Variants in KAT2A observed in about 807,000 individuals in gnomAD.
The protein encoded by KAT2A is lysine acetyltransferase 2A, also known as histone acetyltransferase KAT2A.
A neutral mutation model predicts 95.2 loss-of-function variants in KAT2A; 42 were observed. The observed-to-expected ratio is 0.44, with a 90% CI of 0.34 to 0.57. The LOEUF (loss-of-function observed/expected upper bound fraction) is 0.57. Ranked by LOEUF, KAT2A falls within the 20% of genes least tolerant of loss-of-function variation. The pLI is 0.01. For synonymous variants in KAT2A, 449 were observed against 448.2 expected (o/e 1.00, Z -0.02); for missense variants, 784 against 1,126.3 (o/e 0.70, Z 4.35).
Position 42,119,731 on chromosome 17 carries a change from G to A in KAT2A, c.700-13C>T, listed in dbSNP as rs782020081. On this transcript the variant is annotated splice_polypyrimidine_tract_variant and intron_variant, in intron 4 of 17. Transcript: ENST00000225916. The surrounding 1 kb of genome is among the most constrained non-coding windows in gnomAD (Gnocchi z 5.3). ...AGTTCAGCACACCCTGAGAAGGGGT[G>A]GGTGGGGGATAAAACCAGGAATGAG... The A allele has an allele frequency of 1.9e-6, 3 of 1,587,716 alleles. No individual in the cohort carries two copies. The highest frequency in any genetic ancestry group is 2.3e-5 in the South Asian group (2 of 87,268).
Position 42,121,124 on chromosome 17 carries a change from C to A in KAT2A, c.181G>T (p.Gly61Trp), listed in dbSNP as rs782129192. 6.6e-7 allele frequency: 1 copy of A among 1,512,196 alleles called. No individual in the cohort carries two copies. The highest frequency in any genetic ancestry group is 2.5e-5 in the East Asian group (1 of 40,788). 93.7% of individuals were successfully genotyped at this position (1,512,196 alleles called of 1,614,324 possible). ...CCCCCACTTCCTACCCCGGGCCCCC[C>A]AGTCCCTGTGCTGCCGGCTGGGGCT... ...AAAPAGSTGTGGPGVGSGGAG... is the reference protein window; with the variant it reads ...AAAPAGSTGTWGPGVGSGGAG... The change falls in exon 1 of 18, where the codon GGG (glycine) becomes TGG (tryptophan). Residue 61 changes from glycine (G) to tryptophan (W), a missense_variant. Around this residue, in one of 6 missense-constraint regions of KAT2A, gnomAD observed 142 missense variants for 123.2 expected, o/e 1.15. Transcript: ENST00000225916.
chr17:42,120,731 C>T lies in KAT2A; in HGVS notation c.438G>A (p.Leu146=). 6.2e-7 allele frequency: 1 copy of T among 1,614,154 alleles called. No homozygotes were observed. The change falls in exon 2 of 18, where the codon CTG becomes CTA. Residue 146 remains leucine, a synonymous_variant. Transcript: ENST00000225916. ...CCAAGGGGTGCTCACAACTGCGGCA[C>T]AGCTCACTCAGGTTGGCAGCTGGCT... ...LQQPAANLSE[L]CRSCEHPLAD...
In KAT2A at chr17:42,117,221, T is replaced by A; in HGVS notation, c.1638-60A>T. ...TGTCCCCTTCAGGTCCCCAGAGCCC[T>A]GGAAGTCTGAGCTGTAGTCAGGGTT... On this transcript the variant is annotated intron_variant, in intron 10 of 17. Coordinates refer to ENST00000225916, the MANE Select transcript of KAT2A (RefSeq NM_021078.3). This position sits in a 1 kb window ranked among gnomAD's most constrained non-coding sequence, Gnocchi z 8.9. 6.2e-7 allele frequency: 1 copy of A among 1,603,958 alleles called. No individual in the cohort carries two copies. The highest frequency in any genetic ancestry group is 1.1e-5 in the South Asian group (1 of 90,570).
rs782564898 is a variant in KAT2A at position 42,120,819 on chromosome 17, G to A, written c.350C>T (p.Thr117Ile). 2 of 1,611,530 alleles carry A rather than the reference G, an allele frequency of 1.2e-6. No homozygotes were observed. The highest frequency in any genetic ancestry group is 1.7e-6 in the Non-Finnish European group (2 of 1,178,608). The change falls in exon 2 of 18, where the codon ACC (threonine) becomes ATC (isoleucine). Residue 117 changes from threonine (T) to isoleucine (I), a missense_variant. Transcript: ENST00000225916. ...GTTTTTCCAGCCATTACACTTACAGGTTTCATTGGCCTGGAGGTGGAAGGA... is the reference window on the plus strand; with the variant it reads ...GTTTTTCCAGCCATTACACTTACAGATTTCATTGGCCTGGAGGTGGAAGGA... ...GVFSACKANE[T>I]CKCNGWKNPK...
At position 42,114,614 on chromosome 17, in the gene KAT2A, G is replaced by A. The variant is rs2054227295; in HGVS notation, c.2020-10C>T. On this transcript the variant is annotated splice_polypyrimidine_tract_variant and intron_variant, in intron 13 of 17. Coordinates refer to ENST00000225916, the MANE Select transcript of KAT2A (RefSeq NM_021078.3). The surrounding 1 kb of genome is among the most constrained non-coding windows in gnomAD (Gnocchi z 6.0). ...TCAGCTTCTTGATGATCTGAGGGAA[G>A]GAAGGGACTGAGGGGCCAACTCCAG... 3 of 1,610,034 alleles carry A rather than the reference G, an allele frequency of 1.9e-6. No individual in the cohort carries two copies. Among genetic ancestry groups the A allele is most frequent in the Admixed American group, 1.7e-5 (1 of 59,974 alleles).
chr17:42,119,028 G>A lies in KAT2A; in HGVS notation c.1073+217C>T, dbSNP rs1466373214. 2 of 1,379,478 alleles carry A rather than the reference G, an allele frequency of 1.4e-6. No individual in the cohort carries two copies. The highest frequency in any genetic ancestry group is 1.9e-6 in the Non-Finnish European group (2 of 1,069,052). The allele number at this position is 1,379,478 out of a possible 1,614,324, so 85.5% of individuals were successfully genotyped here. A position where few individuals can be genotyped will look rare whatever the true frequency, so the allele number is the denominator to read the frequency against. On this transcript the variant is annotated intron_variant, in intron 6 of 17. Transcript: ENST00000225916. This position sits in a 1 kb window ranked among gnomAD's most constrained non-coding sequence, Gnocchi z 5.3. Reference sequence around the variant, plus strand: ...TCTACTGGGGCGTAGGGTCGGGTGGGGGCAGCGTTAGCTTGGGCTATGTAC... The same window carrying A: ...TCTACTGGGGCGTAGGGTCGGGTGGAGGCAGCGTTAGCTTGGGCTATGTAC...
chr17:42,119,914 C>A lies in KAT2A; in HGVS notation c.699+116G>T. 9.1e-7 allele frequency: 1 copy of A among 1,103,632 alleles called. No individual in the cohort carries two copies. The allele number at this position is 1,103,632 out of a possible 1,614,324, so 68.4% of individuals were successfully genotyped here. A position where few individuals can be genotyped will look rare whatever the true frequency, so the allele number is the denominator to read the frequency against. Reference sequence around the variant, plus strand: ...CCTGAGGTTAGCACAAAACACCCTTCCTTCTCTGAACCTCCCCAGTGTTCT... The same window carrying A: ...CCTGAGGTTAGCACAAAACACCCTTACTTCTCTGAACCTCCCCAGTGTTCT... On this transcript the variant is annotated intron_variant, in intron 4 of 17. Transcript: ENST00000225916. The surrounding 1 kb of genome is among the most constrained non-coding windows in gnomAD (Gnocchi z 5.3).
chr17:42,120,357 G>A lies in KAT2A; in HGVS notation c.477C>T (p.Ser159=), dbSNP rs782200702. The change falls in exon 3 of 18, where the codon TCC becomes TCT. Residue 159 remains serine (S), a synonymous_variant. Coordinates refer to ENST00000225916, the MANE Select transcript of KAT2A (RefSeq NM_021078.3). ...SCEHPLADHV[S]HLENVSEDEI... ...CATCCTCTGACACATTCTCCAAGTG[G>A]GATACGTGGTCAGCTGCAAGACAGA... 2 of 1,614,192 alleles carry A rather than the reference G, an allele frequency of 1.2e-6. No individual in the cohort carries two copies. Among genetic ancestry groups the A allele is most frequent in the South Asian group, 1.1e-5 (1 of 91,086 alleles).
Position 42,119,899 on chromosome 17 carries a change from G to A in KAT2A, c.699+131C>T. The A allele has an allele frequency of 9.8e-7, 1 of 1,022,564 alleles. No individual in the cohort carries two copies. The highest frequency in any genetic ancestry group is 1.5e-6 in the Non-Finnish European group (1 of 672,942). 63.3% of individuals were successfully genotyped at this position (1,022,564 alleles called of 1,614,324 possible). A position where few individuals can be genotyped will look rare whatever the true frequency, so the allele number is the denominator to read the frequency against. On this transcript the variant is annotated intron_variant, in intron 4 of 17. Transcript: ENST00000225916. The surrounding 1 kb of genome is among the most constrained non-coding windows in gnomAD (Gnocchi z 5.3). ...TACCACCATGCCCACCCTGAGGTTA[G>A]CACAAAACACCCTTCCTTCTCTGAA... is the stretch of plus-strand genomic sequence containing the variant.
chr17:42,114,623 T>A lies in KAT2A; in HGVS notation c.2020-19A>T. 1.2e-6 allele frequency: 2 copies of A among 1,601,928 alleles called. No homozygotes were observed. Among genetic ancestry groups the A allele is most frequent in the Non-Finnish European group, 1.7e-6 (2 of 1,171,280 alleles). ...TGATGATCTGAGGGAAGGAAGGGAC[T>A]GAGGGGCCAACTCCAGCCCCAACAA... On this transcript the variant is annotated intron_variant, in intron 13 of 17. Coordinates refer to ENST00000225916, the MANE Select transcript of KAT2A (RefSeq NM_021078.3). The surrounding 1 kb of genome is among the most constrained non-coding windows in gnomAD (Gnocchi z 6.0).
chr17:42,118,033 G>GAA lies in KAT2A; in HGVS notation c.1181-17_1181-16insTT, dbSNP rs202225093. On this transcript the variant is annotated splice_polypyrimidine_tract_variant and intron_variant, in intron 7 of 17. Coordinates refer to ENST00000225916, the MANE Select transcript of KAT2A (RefSeq NM_021078.3). Reference sequence around the variant, plus strand: ...CTGACTGAAGCTGAGGAGAGAGAGAGACGTCAGGGATGGGGGGCTGAAGCT... The same window carrying GAA: ...CTGACTGAAGCTGAGGAGAGAGAGAGAAACGTCAGGGATGGGGGGCTGAAGCT... The GAA allele has an allele frequency of 0.011, 15,079 of 1,415,378 alleles. 1,426 individuals are homozygous for GAA. The African/African-American group carries it at 0.21, about 20-fold the overall frequency. The allele number at this position is 1,415,378 out of a possible 1,614,324, so 87.7% of individuals were successfully genotyped here. A position where few individuals can be genotyped will look rare whatever the true frequency, so the allele number is the denominator to read the frequency against.
rs1409983686 is a variant in KAT2A at position 42,117,886 on chromosome 17, G to A, written c.1291+21C>T. The A allele has an allele frequency of 4.4e-6, 7 of 1,599,914 alleles. No individual in the cohort carries two copies. Among genetic ancestry groups the A allele is most frequent in the Non-Finnish European group, 6.0e-6 (7 of 1,170,188 alleles). ...TGGGAAGGAGTGAATGAGGGTCAGAGGTCAGGGGTCAAGTATCCACCTGGC... is the reference window on the plus strand; with the variant it reads ...TGGGAAGGAGTGAATGAGGGTCAGAAGTCAGGGGTCAAGTATCCACCTGGC... On this transcript the variant is annotated intron_variant, in intron 8 of 17. Coordinates refer to ENST00000225916, the MANE Select transcript of KAT2A (RefSeq NM_021078.3). The surrounding 1 kb of genome is among the most constrained non-coding windows in gnomAD (Gnocchi z 8.9).
At chr17:42,118,558 C>T (rs1277594612) in intron 6 of KAT2A, among the ~76,000 whole-genome samples, 155 bp from the exon 7 acceptor site, 1 of 152,192 alleles carries the variant, frequency 6.6e-6, no homozygotes, top group Non-Finnish European at 1.5e-5. Context: ...TGGGAGCCTC[C>T]AATTGAAGGT....
chr17:42,114,696 G>T lies in KAT2A; in HGVS notation c.2020-92C>A. The stretch of plus-strand genomic sequence containing the variant: ...CGGAGCCACTGGCTGCACCCACCCA[G>T]CTGCAACGCCACCTAATCCAGCACC... On this transcript the variant is annotated intron_variant, in intron 13 of 17. Coordinates refer to ENST00000225916, the MANE Select transcript of KAT2A (RefSeq NM_021078.3). The surrounding 1 kb of genome is among the most constrained non-coding windows in gnomAD (Gnocchi z 6.0). The T allele has an allele frequency of 1.6e-6, 2 of 1,252,778 alleles. No homozygotes were observed. The highest frequency in any genetic ancestry group is 2.3e-6 in the Non-Finnish European group (2 of 874,002). The allele number at this position is 1,252,778 out of a possible 1,614,324, so 77.6% of individuals were successfully genotyped here. A position where few individuals can be genotyped will look rare whatever the true frequency, so the allele number is the denominator to read the frequency against.
intron 12 of KAT2A, among the ~76,000 whole-genome samples, chr17:42,115,454 T>C (rs529119391): frequency 9.8e-6 from 1 of 102,402 alleles, no homozygotes; most frequent in African/African-American, 3.9e-5. Flanking sequence ...CCCCCCCAGT[T>C]CCTCCGGCCT....
At chr17:42,115,407 C>T (rs2054242573) in intron 12 of KAT2A, among the ~76,000 whole-genome samples, 1 of 126,316 alleles carries the variant, frequency 7.9e-6, no homozygotes, top group Non-Finnish European at 1.7e-5. Context: ...CCAGCCTGCT[C>T]TACTAGCCCC....
At position 42,121,237 on chromosome 17, in the gene KAT2A, G is replaced by A. The variant is rs1555667338; in HGVS notation, c.68C>T (p.Ala23Val). The A allele has an allele frequency of 1.5e-6, 2 of 1,354,388 alleles. No individual in the cohort carries two copies. Among genetic ancestry groups the A allele is most frequent in the African/African-American group, 1.5e-5 (1 of 65,434 alleles). The allele number at this position is 1,354,388 out of a possible 1,614,324, so 83.9% of individuals were successfully genotyped here. Residue 23 changes from alanine to valine, a missense_variant, in exon 1 of 18, where the codon GCC (alanine) becomes GTC (valine). By Grantham distance (64) the Ala-to-Val change is moderately conservative (BLOSUM62 0). Coordinates refer to ENST00000225916, the MANE Select transcript of KAT2A (RefSeq NM_021078.3). Reference protein sequence around the residue: ...AAQPRPLQSPAPAPTPTPAPS... With the variant: ...AAQPRPLQSPVPAPTPTPAPS... ...TGCAGGAGTCGGAGTTGGGGCAGGG[G>A]CTGGGGACTGAAGGGGCCGGGGCTG...
At position 42,117,012 on chromosome 17, in the gene KAT2A, T is replaced by TGGGGCC. The variant is rs782032443; in HGVS notation, c.1764+17_1764+22dup. ...TCAGGAGTGGGCCGTGGACTGGGGC[T>TGGGGCC]GGGGCCGGGGAGCCGCGCTCACCTT... On this transcript the variant is annotated intron_variant, in intron 11 of 17. Transcript: ENST00000225916. The surrounding 1 kb of genome is among the most constrained non-coding windows in gnomAD (Gnocchi z 8.9). 3 of 1,612,742 alleles carry TGGGGCC rather than the reference T, an allele frequency of 1.9e-6. No individual in the cohort carries two copies. The highest frequency in any genetic ancestry group is 2.2e-5 in the East Asian group (1 of 44,878).
chr17:42,119,973 ACTC>A lies in KAT2A; in HGVS notation c.699+54_699+56del. On this transcript the variant is annotated intron_variant, in intron 4 of 17. Coordinates refer to ENST00000225916, the MANE Select transcript of KAT2A (RefSeq NM_021078.3). This position sits in a 1 kb window ranked among gnomAD's most constrained non-coding sequence, Gnocchi z 5.3. ...GGAGAATGGAGAACACAGGCTCCCC[ACTC>A]CTCCAAGCTGTCCCCAATTCTCCTA... is the stretch of plus-strand genomic sequence containing the variant. 1 of 1,431,650 alleles carries A rather than the reference ACTC, an allele frequency of 7.0e-7. No individual in the cohort carries two copies. The highest frequency in any genetic ancestry group is 9.8e-7 in the Non-Finnish European group (1 of 1,015,974). 88.7% of individuals were successfully genotyped at this position (1,431,650 alleles called of 1,614,324 possible).
Sources: allele counts gnomAD v4.1 joint callset (sites outside exome capture counted in the v4.1 genomes callset), GRCh38; gene constraint gnomAD v4.1.1; regional missense constraint gnomAD v4.1.1; non-coding constraint Gnocchi (gnomAD v3.1); transcripts MANE v1.5; gene names NCBI Gene and HGNC (gene_info 2026-07-23, HGNC 2026-07-21).